SETX: variants seen among roughly 807,000 people sequenced by gnomAD.
The protein encoded by SETX is helicase senataxin.
Under a neutral mutation model 227.2 loss-of-function variants are expected in SETX, and 90 were observed. The observed-to-expected ratio is 0.40, with a 90% CI of 0.33 to 0.47. The LOEUF (loss-of-function observed/expected upper bound fraction) is 0.47. Ranked by LOEUF, SETX falls within the 20% of genes least tolerant of loss-of-function variation. SETX has a pLI of 0.91. For synonymous variants in SETX, 1,210 were observed against 1,113.2 expected (o/e 1.09, Z -1.73); for missense variants, 3,052 against 3,181.5 (o/e 0.96, Z 0.98).
At chr9:132,283,562 T>A in intron 18 of SETX, 149 bp from the exon 19 acceptor site, 1 of 932,210 alleles carries the variant, frequency 1.1e-6, no homozygotes. Context: ...CCCTCAAATC[T>A]AGGAAACAGC....
At chr9:132,344,445 T>C (rs1050564091) in intron 4 of SETX, among the ~76,000 whole-genome samples, 2 of 152,130 alleles carry the variant, frequency 1.3e-5, no homozygotes, top group African/African-American at 4.8e-5. Context: ...GAGAAGACTG[T>C]TTTGAATTAA....
chr9:132,302,503 T>C (rs556703318), intron 11 of SETX, among the ~76,000 whole-genome samples: 1 of 144,966 alleles, frequency 6.9e-6, no homozygotes, highest in South Asian at 2.2e-4. Context: ...CTACTAAAAA[T>C]ACAAAAATTA....
At position 132,281,889 on chromosome 9, in the gene SETX, G is replaced by A. The variant is rs111932721; in HGVS notation, c.6547-315C>T. Among the ~76,000 whole-genome samples the A allele has an allele frequency of 1.5e-3, 233 of 152,008 alleles. 1 individual carries two copies. Among genetic ancestry groups the A allele is most frequent in the African/African-American group, 5.2e-3 (217 of 41,444 alleles). On this transcript the variant is annotated intron_variant, in intron 19 of 25. Coordinates refer to ENST00000224140, the MANE Select transcript of SETX (RefSeq NM_015046.7). ...CCAAAAAAATTAGCTGGGCGTGGTG[G>A]CAAGTGCCTGTAATCCCAGCTACTT...
chr9:132,271,250 A>T (rs1240676936), intron 24 of SETX, among the ~76,000 whole-genome samples: 1 of 151,234 alleles, frequency 6.6e-6, no homozygotes, highest in Admixed American at 6.6e-5. Context: ...ACAGATTCAC[A>T]CTATGAAATG....
intron 13 of SETX, 68 bp downstream of exon 13, chr9:132,298,012 G>T: frequency 1.5e-6 from 2 of 1,298,578 alleles, no homozygotes; most frequent in Non-Finnish European, 1.1e-6. Context: ...GGAATACATA[G>T]CAGCTAAAAA....
chr9:132,301,278 G>A (rs1844981654), intron 11 of SETX, among the ~76,000 whole-genome samples: 1 of 151,678 alleles, frequency 6.6e-6, no homozygotes, highest in Non-Finnish European at 1.5e-5. Flanking sequence ...TAGTAGAGAT[G>A]GGGTTTCACT....
intron 14 of SETX, 114 bp downstream of exon 14, chr9:132,296,773 A>T: frequency 1.0e-6 from 1 of 980,710 alleles, no homozygotes; most frequent in Non-Finnish European, 1.6e-6. Context: ...TATAAAAAAT[A>T]TATACAAATC....
chr9:132,303,015 T>G lies in SETX; in HGVS notation c.5375-2212A>C, dbSNP rs11999805. 6.6e-3 allele frequency among the ~76,000 whole-genome samples: 1,001 copies of G among 152,230 alleles called. 13 individuals carry two copies. Among genetic ancestry groups the G allele is most frequent in the African/African-American group, 0.023 (936 of 41,532 alleles). On this transcript the variant is annotated intron_variant, in intron 11 of 25. Transcript: ENST00000224140. ...TAAAACTGAGCACCTATTTTTACAT[T>G]GTTTTTGATTTATTTTTTTAGAGAT...
rs758973834 is a variant in SETX at position 132,275,433 on chromosome 9, G to GA, written c.6936-14dup. 5.5e-5 allele frequency: 88 copies of GA among 1,588,956 alleles called. No homozygotes were observed. In the South Asian group the frequency reaches 9.6e-4, roughly 17 times the overall value. On this transcript the variant is annotated splice_polypyrimidine_tract_variant and intron_variant, in intron 22 of 25. Coordinates refer to ENST00000224140, the MANE Select transcript of SETX (RefSeq NM_015046.7). ...ATTTATATATGAGCTAAACAAGATG[G>GA]AAAAAGAAAACACAGTGTTATCAAA... is the stretch of plus-strand genomic sequence containing the variant.
intron 10 of SETX, among the ~76,000 whole-genome samples, chr9:132,313,044 G>A (rs1396414435): frequency 6.6e-6 from 1 of 152,268 alleles, no homozygotes; most frequent in Admixed American, 6.5e-5. Context: ...CAGATTTATA[G>A]ACAGACGAGA....
chr9:132,276,436 C>T (rs1207111135), intron 22 of SETX, among the ~76,000 whole-genome samples: 1 of 152,210 alleles, frequency 6.6e-6, no homozygotes, highest in Non-Finnish European at 1.5e-5. Context: ...GCCACCTGCT[C>T]TGCAGCCATC....
At chr9:132,301,531 A>G (rs1471925736) in intron 11 of SETX, among the ~76,000 whole-genome samples, 1 of 152,212 alleles carries the variant, frequency 6.6e-6, no homozygotes, top group Non-Finnish European at 1.5e-5. Context: ...CAGTGGTCCC[A>G]TAAGATTATA....
chr9:132,329,404 G>T lies in SETX; in HGVS notation c.2194C>A (p.Pro732Thr), dbSNP rs530207073. 2.5e-6 allele frequency: 4 copies of T among 1,613,748 alleles called. No individual in the cohort carries two copies. Among genetic ancestry groups the T allele is most frequent in the Non-Finnish European group, 3.4e-6 (4 of 1,179,948 alleles). ...ATTCCTCTGTCACATCCCCTTTCTG[G>T]ACCATTTCTTGAAGTACAGTCCTTT... ...TPKDCTSRNG[P>T]ERGCDRGIIV... The change falls in exon 10 of 26, where the codon CCA becomes ACA. Residue 732 changes from proline (P) to threonine (T), a missense_variant. Around this residue, in one of 10 missense-constraint regions of SETX, gnomAD observed 1,483 missense variants for 1,312.0 expected, o/e 1.13. Transcript: ENST00000224140.
chr9:132,335,234 C>CA lies in SETX; in HGVS notation c.719-508dup, dbSNP rs1310251393. ...TGAAACCCCGTCTCTACTAAAAATACAAAAAAATTAGCCAGGCGTGGTGGC... is the reference window on the plus strand; with the variant it reads ...TGAAACCCCGTCTCTACTAAAAATACAAAAAAAATTAGCCAGGCGTGGTGGC... On this transcript the variant is annotated intron_variant, in intron 6 of 25. Coordinates refer to ENST00000224140, the MANE Select transcript of SETX (RefSeq NM_015046.7). Among the ~76,000 whole-genome samples, 494 of 150,964 alleles carry CA rather than the reference C, an allele frequency of 3.3e-3. 4 individuals are homozygous for CA. Among genetic ancestry groups the CA allele is most frequent in the Admixed American group, 8.4e-3 (127 of 15,148 alleles).
chr9:132,309,431 A>C (rs555944404), intron 11 of SETX, among the ~76,000 whole-genome samples: 5 of 152,322 alleles, frequency 3.3e-5, no homozygotes, highest in Non-Finnish European at 7.3e-5. Context: ...GTCAGAAACA[A>C]AACAAGAAAG....
intron 3 of SETX, among the ~76,000 whole-genome samples, chr9:132,347,024 G>T (rs905015700): frequency 2.6e-5 from 4 of 152,088 alleles, no homozygotes; most frequent in African/African-American, 9.7e-5. Context: ...AGAGGCTGAG[G>T]TGGGCGGATC....
At chr9:132,301,832 G>A (rs765820574) in intron 11 of SETX, among the ~76,000 whole-genome samples, 11 of 152,180 alleles carry the variant, frequency 7.2e-5, no homozygotes, top group Admixed American at 1.3e-4. Flanking sequence ...GGGAAAGACG[G>A]TTGTAAACTA....
At chr9:132,282,438 A>G (rs1843596493) in intron 19 of SETX, among the ~76,000 whole-genome samples, 1 of 151,646 alleles carries the variant, frequency 6.6e-6, no homozygotes, top group Non-Finnish European at 1.5e-5. Flanking sequence ...ACAGGCACAC[A>G]CCATCAACTC....
In SETX at chr9:132,278,210, G is replaced by A; in HGVS notation, c.6702C>T (p.Cys2234=). 1 of 1,614,142 alleles carries A rather than the reference G, an allele frequency of 6.2e-7. No individual in the cohort carries two copies. The highest frequency in any genetic ancestry group is 8.5e-7 in the Non-Finnish European group (1 of 1,180,018). The change falls in exon 21 of 26, where the codon TGC becomes TGT. Residue 2234 remains cysteine (C), a synonymous_variant. Coordinates refer to ENST00000224140, the MANE Select transcript of SETX (RefSeq NM_015046.7). The stretch of plus-strand genomic sequence containing the variant: ...GTTCTACATTCTCTTCCAGCAGTCT[G>A]CAGAAGCGAGCCATCATTGACTGGT... ...GYDQSMMARF[C]RLLEENVEHN...
Sources: gnomAD v4.1 joint callset for allele counts (sites outside exome capture counted in the v4.1 genomes callset) on GRCh38, gnomAD v4.1.1 for gene constraint, gnomAD v4.1.1 regional missense constraint, MANE v1.5 for transcripts, NCBI Gene and HGNC (gene_info 2026-07-23, HGNC 2026-07-21) for gene names.